SNX13: variants seen among roughly 807,000 people sequenced by gnomAD.
The protein encoded by SNX13 is sorting nexin-13.
A neutral mutation model predicts 133.6 loss-of-function variants in SNX13; 45 were observed. The ratio of observed to expected loss-of-function variants is 0.34; its 90% CI spans 0.27 to 0.43. SNX13 has a LOEUF of 0.43. Among genes scored for constraint, SNX13 ranks in the 20% least tolerant of loss-of-function variants. The pLI is 1.00. For synonymous variants in SNX13, 414 were observed against 373.9 expected (o/e 1.11, Z -1.24); for missense variants, 1,032 against 1,145.1 (o/e 0.90, Z 1.43).
At chr7:17,903,686 C>G (rs565691591) in intron 1 of SNX13, among the ~76,000 whole-genome samples, 12 of 152,290 alleles carry the variant, frequency 7.9e-5, no homozygotes, top group African/African-American at 2.9e-4. Context: ...AGGGTAAGAT[C>G]TGATACTAAA....
At chr7:17,850,275 T>C (rs1583471647) in intron 11 of SNX13, 72 bp downstream of exon 11, 1 of 974,730 alleles carries the variant, frequency 1.0e-6, no homozygotes, top group East Asian at 3.0e-5. Context: ...CTTTTTGTCC[T>C]TTACTGTGCA....
At chr7:17,924,775 A>C (rs898625947) in intron 1 of SNX13, among the ~76,000 whole-genome samples, 1 of 152,218 alleles carries the variant, frequency 6.6e-6, no homozygotes, top group African/African-American at 2.4e-5. Flanking sequence ...ATACAATGGA[A>C]TGTTACTTGG....
chr7:17,849,334 A>G (rs1389663147), intron 11 of SNX13, among the ~76,000 whole-genome samples: 1 of 152,194 alleles, frequency 6.6e-6, no homozygotes, highest in Non-Finnish European at 1.5e-5. Context: ...AAATCCTATT[A>G]GCACTATATC....
At chr7:17,807,366 C>A (rs921778016) in intron 20 of SNX13, among the ~76,000 whole-genome samples, 7 of 152,086 alleles carry the variant, frequency 4.6e-5, no homozygotes, top group African/African-American at 1.7e-4. Flanking sequence ...CAAGGAAGGT[C>A]GAACTGGGCG....
chr7:17,897,554 CA>C lies in SNX13; in HGVS notation c.13-109del, dbSNP rs1797341213. 8.9e-6 allele frequency: 5 copies of C among 558,666 alleles called. No homozygotes were observed. In the South Asian group the frequency reaches 2.3e-4, roughly 25 times the overall value. The allele number at this position is 558,666 out of a possible 1,614,324, so 34.6% of individuals were successfully genotyped here. The stretch of plus-strand genomic sequence containing the variant: ...TTTTAAATTTCTTCTTGTAAACATT[CA>C]TGGTATTATTTCAGTAACTTTTGAA... On this transcript the variant is annotated intron_variant, in intron 1 of 25. Coordinates refer to ENST00000428135, the MANE Select transcript of SNX13 (RefSeq NM_015132.5).
At chr7:17,816,514 A>G (rs1786681966) in intron 18 of SNX13, among the ~76,000 whole-genome samples, 1 of 152,158 alleles carries the variant, frequency 6.6e-6, no homozygotes, top group Non-Finnish European at 1.5e-5. Flanking sequence ...ATACAAAATT[A>G]GCTGGGCATG....
intron 1 of SNX13, among the ~76,000 whole-genome samples, chr7:17,930,065 A>C (rs1382654877): frequency 1.4e-5 from 1 of 72,152 alleles, no homozygotes; most frequent in Non-Finnish European, 3.4e-5. Flanking sequence ...AGAGGAAATA[A>C]GAATAAAGAA....
In SNX13 at chr7:17,803,461, C is replaced by T. The variant is rs773447408; in HGVS notation, c.2184G>A (p.Met728Ile). Residue 728 changes from methionine (M) to isoleucine (I), a missense_variant, in exon 21 of 26, where the codon ATG becomes ATA. Coordinates refer to ENST00000428135, the MANE Select transcript of SNX13 (RefSeq NM_015132.5). Reference protein sequence around the residue: ...MTKMSDNMGKMSERLGQDIKQ... With the variant: ...MTKMSDNMGKISERLGQDIKQ... ...TTATGTCTTGACCTAATCTTTCTGACATTTTGCCCATGTTGTCTGACATTT... is the reference window on the plus strand; with the variant it reads ...TTATGTCTTGACCTAATCTTTCTGATATTTTGCCCATGTTGTCTGACATTT... 2 of 1,612,374 alleles carry T rather than the reference C, an allele frequency of 1.2e-6. No individual in the cohort carries two copies. The highest frequency in any genetic ancestry group is 1.1e-5 in the South Asian group (1 of 90,758).
At chr7:17,799,200 C>T (rs752857837) in intron 22 of SNX13, 46 bp from the exon 23 acceptor site, 2 of 1,462,044 alleles carry the variant, frequency 1.4e-6, no homozygotes, top group East Asian at 2.4e-5. Flanking sequence ...TAGCTATCTA[C>T]TATGAATTGT....
intron 1 of SNX13, among the ~76,000 whole-genome samples, chr7:17,905,669 T>C (rs1798314052): frequency 1.3e-5 from 2 of 152,340 alleles, no homozygotes; most frequent in South Asian, 2.1e-4. Context: ...TGAACAAATA[T>C]TCACAAATGT....
chr7:17,925,223 A>T (rs1363736683), intron 1 of SNX13, among the ~76,000 whole-genome samples: 1 of 152,190 alleles, frequency 6.6e-6, no homozygotes, highest in Admixed American at 6.5e-5. Flanking sequence ...CAAAAAAAAT[A>T]GGCAAAACCA....
intron 5 of SNX13, among the ~76,000 whole-genome samples, chr7:17,876,915 G>A (rs1003563999): frequency 6.6e-6 from 1 of 150,884 alleles, no homozygotes; most frequent in Non-Finnish European, 1.5e-5. Flanking sequence ...GATAGAAAAC[G>A]AAGAGTCTAT....
chr7:17,880,005 A>G (rs1483654797), intron 5 of SNX13: 1 of 152,240 alleles, frequency 6.6e-6, no homozygotes, highest in African/African-American at 2.4e-5. Context: ...CAGTAGGTAA[A>G]TTTAAACATT....
intron 16 of SNX13, 26 bp from the exon 17 acceptor site, chr7:17,826,117 A>AT (rs1237711577): frequency 1.2e-5 from 17 of 1,457,780 alleles, no homozygotes; most frequent in Admixed American, 4.6e-5. Context: ...CAGGAAACAA[A>AT]TTTTTAAAAT....
rs143736667 is a variant in SNX13, at chr7:17,926,919, G to A, written c.12+13365C>T. Among the ~76,000 whole-genome samples, 924 of 152,004 alleles carry A rather than the reference G, an allele frequency of 6.1e-3. 12 individuals carry two copies. The highest frequency in any genetic ancestry group is 0.021 in the African/African-American group (890 of 41,450). ...AAAAGGAATAGACTACTACTCCAAA[G>A]AAAAACAGGGTATGAACAGCAATTC... On this transcript the variant is annotated intron_variant, in intron 1 of 25. Transcript: ENST00000428135.
intron 13 of SNX13, 80 bp from the exon 14 acceptor site, chr7:17,834,945 T>C (rs1239033705): frequency 9.8e-6 from 8 of 815,656 alleles, no homozygotes; most frequent in African/African-American, 1.8e-5. Flanking sequence ...AATAATGGAA[T>C]CATATTATTG....
intron 8 of SNX13, among the ~76,000 whole-genome samples, chr7:17,869,866 TCA>T (rs917123063): frequency 7.5e-6 from 1 of 133,732 alleles, no homozygotes; most frequent in East Asian, 2.2e-4. Flanking sequence ...GAAAATTTAC[TCA>T]CACACACACA....
chr7:17,814,452 T>G (rs997559207), intron 20 of SNX13, among the ~76,000 whole-genome samples: 6 of 152,082 alleles, frequency 3.9e-5, no homozygotes, highest in African/African-American at 1.4e-4. Flanking sequence ...ATAATGATTT[T>G]ATTCAAAAGG....
In SNX13 at chr7:17,805,255, G is replaced by GCGCGCGCGCA. The variant is rs1554304364; in HGVS notation, c.2065-1676_2065-1675insTGCGCGCGCG. Among the ~76,000 whole-genome samples, 22 of 86,824 alleles carry GCGCGCGCGCA rather than the reference G, an allele frequency of 2.5e-4. 1 individual carries two copies. The highest frequency in any genetic ancestry group is 1.5e-3 in the South Asian group (5 of 3,414). 57.0% of individuals were successfully genotyped at this position (86,824 alleles called of 152,430 possible). A position where few individuals can be genotyped will look rare whatever the true frequency, so the allele number is the denominator to read the frequency against. ...TGTGTGTGTGTGTGTGTGTGTGCGT[G>GCGCGCGCGCA]CGCGCGCGCGCATGCATGCACATGT... is the stretch of plus-strand genomic sequence containing the variant. On this transcript the variant is annotated intron_variant, in intron 20 of 25. Coordinates refer to ENST00000428135, the MANE Select transcript of SNX13 (RefSeq NM_015132.5).
Sources: gnomAD v4.1 joint callset for allele counts (sites outside exome capture counted in the v4.1 genomes callset) on GRCh38, gnomAD v4.1.1 for gene constraint, MANE v1.5 for transcripts, NCBI Gene and HGNC (gene_info 2026-07-23, HGNC 2026-07-21) for gene names.